The following TTC28 variants were observed in gnomAD, a reference collection of about 807,000 sequenced individuals.
The protein encoded by TTC28 is tetratricopeptide repeat domain 28.
A neutral mutation model predicts 198.0 loss-of-function variants in TTC28; 61 were observed. The observed-to-expected ratio is 0.31, with a 90% confidence interval of 0.25 to 0.38. The LOEUF is 0.38. Among genes scored for constraint, TTC28 ranks in the 10% least tolerant of loss-of-function variants. The pLI is 1.00. For synonymous variants in TTC28, 1,171 were observed against 1,297.8 expected (o/e 0.90, Z 2.10); for missense variants, 2,678 against 3,164.0 (o/e 0.85, Z 3.69).
chr22:28,387,912 C>T (rs1297692880), intron 2 of TTC28, among the ~76,000 whole-genome samples: 2 of 152,196 alleles, frequency 1.3e-5, no homozygotes, highest in African/African-American at 4.8e-5. Context: ...GACACGAAGT[C>T]CTTACCCATG....
At chr22:28,202,579 T>G (rs1205699799) in intron 5 of TTC28, among the ~76,000 whole-genome samples, 1 of 151,968 alleles carries the variant, frequency 6.6e-6, no homozygotes, top group African/African-American at 2.4e-5. Context: ...AGAATTTTCT[T>G]TGAATCATCA....
intron 1 of TTC28, among the ~76,000 whole-genome samples, chr22:28,637,013 T>G (rs1265226213): frequency 5.5e-5 from 8 of 145,192 alleles, no homozygotes; most frequent in East Asian, 4.0e-4. Context: ...AGTTTTTTTT[T>G]TTTTTTTTTT....
intron 2 of TTC28, among the ~76,000 whole-genome samples, chr22:28,476,042 A>G (rs2048160869): frequency 6.6e-6 from 1 of 152,196 alleles, no homozygotes; most frequent in South Asian, 2.1e-4. Flanking sequence ...TTAAAATATA[A>G]TACTTGACAT....
intron 1 of TTC28, among the ~76,000 whole-genome samples, chr22:28,643,965 T>C (rs9625521): frequency 6.6e-6 from 1 of 152,138 alleles, no homozygotes; most frequent in Admixed American, 6.6e-5. Context: ...TAAATAACTT[T>C]ACTATCAAAA....
chr22:28,264,271 C>T (rs757942488), intron 5 of TTC28, among the ~76,000 whole-genome samples: 1 of 152,108 alleles, frequency 6.6e-6, no homozygotes, highest in Non-Finnish European at 1.5e-5. Flanking sequence ...TTGCCTGCTG[C>T]CATGTAAGAC....
chr22:28,531,497 C>G (rs2049139178), intron 2 of TTC28, among the ~76,000 whole-genome samples: 1 of 152,116 alleles, frequency 6.6e-6, no homozygotes, highest in Non-Finnish European at 1.5e-5. Flanking sequence ...TTAAACAGAT[C>G]AATGAGACAG....
At position 27,982,545 on chromosome 22, in the gene TTC28, T is replaced by G. The variant is rs1937059127; in HGVS notation, c.7122A>C (p.Pro2374=). ...WQSTPQHSTG[P]MKIFRGAPGT... is the part of the protein sequence containing the mutation. ...CAGGAGCCCCCCGGAAGATCTTCAT[T>G]GGCCCTGTGGAATGCTGGGGTGTGC... Residue 2374 remains proline, a synonymous_variant, in exon 23 of 23, where the codon CCA becomes CCC. Transcript: ENST00000397906. The surrounding 1 kb of genome is among the most constrained non-coding windows in gnomAD (Gnocchi z 5.2). 2.1e-5 allele frequency: 33 copies of G among 1,551,570 alleles called. No individual in the cohort carries two copies. The highest frequency in any genetic ancestry group is 2.8e-5 in the Non-Finnish European group (32 of 1,147,016).
chr22:28,679,433 T>A (rs984366485), intron 1 of TTC28, among the ~76,000 whole-genome samples, 189 bp downstream of exon 1: 11 of 151,290 alleles, frequency 7.3e-5, no homozygotes, highest in African/African-American at 2.4e-4. Flanking sequence ...ACACACACTC[T>A]CGCGGAAACT....
At chr22:27,985,427 G>T in intron 21 of TTC28, 71 bp from the exon 22 acceptor site, 1 of 1,260,148 alleles carries the variant, frequency 7.9e-7, no homozygotes, top group Non-Finnish European at 1.1e-6. Context: ...GAGCGCTATA[G>T]GGCTCCTTGT....
Position 28,604,434 on chromosome 22 carries a change from T to C in TTC28, c.381+25118A>G, listed in dbSNP as rs1239577581. ...GACTCTGGAAACTCCTGGGATAATT[T>C]TCTCGTTTCATTAAGATAGAAAATG... On this transcript the variant is annotated intron_variant, in intron 2 of 22. Transcript: ENST00000397906. Among the ~76,000 whole-genome samples the C allele has an allele frequency of 3.3e-5, 5 of 151,418 alleles. No individual in the cohort carries two copies. The East Asian group carries it at 7.8e-4, about 24-fold the overall frequency.
chr22:28,134,107 A>G (rs1435581128), intron 6 of TTC28, among the ~76,000 whole-genome samples: 1 of 152,214 alleles, frequency 6.6e-6, no homozygotes, highest in Non-Finnish European at 1.5e-5. Context: ...CAGGGTCTGG[A>G]GTGGACTCCA....
intron 12 of TTC28, among the ~76,000 whole-genome samples, chr22:28,086,800 T>C (rs1203723118): frequency 1.3e-5 from 2 of 151,850 alleles, no homozygotes; most frequent in East Asian, 1.9e-4. Context: ...AAGAATCAAA[T>C]AGATGCAATA....
intron 2 of TTC28, among the ~76,000 whole-genome samples, chr22:28,477,230 G>A (rs2048179977): frequency 6.6e-6 from 1 of 152,134 alleles, no homozygotes; most frequent in South Asian, 2.1e-4. Flanking sequence ...ACTCATCTGT[G>A]TATTTTACTA....
intron 1 of TTC28, among the ~76,000 whole-genome samples, chr22:28,649,219 T>C (rs1399499243): frequency 6.6e-6 from 1 of 151,720 alleles, no homozygotes; most frequent in Non-Finnish European, 1.5e-5. Context: ...AGGTAGGAGG[T>C]GGGACAGGGC....
intron 13 of TTC28, 81 bp downstream of exon 13, chr22:28,030,143 AAG>A: frequency 9.3e-6 from 14 of 1,499,962 alleles, no homozygotes; most frequent in South Asian, 5.3e-5. Flanking sequence ...AACCAGCTGG[AAG>A]GAGCATCCAC....
At chr22:28,571,751 C>T (rs1744102553) in intron 2 of TTC28, among the ~76,000 whole-genome samples, 1 of 151,876 alleles carries the variant, frequency 6.6e-6, no homozygotes, top group Admixed American at 6.6e-5. Flanking sequence ...GAGTTCGAGG[C>T]CAGCCTGACA....
chr22:28,176,292 A>G (rs1923159841), intron 5 of TTC28, among the ~76,000 whole-genome samples: 1 of 152,222 alleles, frequency 6.6e-6, no homozygotes, highest in African/African-American at 2.4e-5. Flanking sequence ...ACATTGTGTT[A>G]AGTGAAATAA....
chr22:28,415,928 C>T (rs762481254), intron 2 of TTC28, among the ~76,000 whole-genome samples: 21 of 152,094 alleles, frequency 1.4e-4, no homozygotes, highest in Admixed American at 3.9e-4. Flanking sequence ...TAAATGTATA[C>T]GTTTTCTCCA....
At chr22:28,092,470 T>C (rs1162170352) in intron 12 of TTC28, among the ~76,000 whole-genome samples, 3 of 152,184 alleles carry the variant, frequency 2.0e-5, no homozygotes, top group Non-Finnish European at 2.9e-5. Flanking sequence ...CAGTGGGACC[T>C]TGTGTCCCTA....
Sources: gnomAD v4.1 joint callset for allele counts (sites outside exome capture counted in the v4.1 genomes callset) on GRCh38, gnomAD v4.1.1 for gene constraint, Gnocchi (gnomAD v3.1) non-coding constraint, MANE v1.5 for transcripts, NCBI Gene and HGNC (gene_info 2026-07-23, HGNC 2026-07-21) for gene names.